The following PDGFD variants were observed in gnomAD, a reference collection of about 807,000 sequenced individuals.
PDGFD encodes the protein platelet-derived growth factor D.
PDGFD carries 30 observed loss-of-function variants against 44.7 expected under a neutral mutation model. The observed-to-expected ratio is 0.67, with a 90% CI of 0.50 to 0.91. The LOEUF (loss-of-function observed/expected upper bound fraction) is 0.91, where lower values mean the gene tolerates loss of function less well. Among genes scored for constraint, PDGFD ranks in the 40% least tolerant of loss-of-function variants. PDGFD has a pLI of 0.00. For missense variants in PDGFD, 445 were observed against 457.8 expected (o/e 0.97, Z 0.25); for synonymous variants, 173 against 168.4 (o/e 1.03, Z -0.21).
chr11:104,153,981 G>A (rs1052748929), intron 1 of PDGFD, among the ~76,000 whole-genome samples: 1 of 152,004 alleles, frequency 6.6e-6, no homozygotes, highest in Non-Finnish European at 1.5e-5. Context: ...GGAGACAGTC[G>A]AGGAAACAAT....
chr11:104,045,424 T>C lies in PDGFD; in HGVS notation c.125-45169A>G, dbSNP rs185224771. ...AAGAAGATTCATACTACAGCTGAAATTGATCAAACTGCTTTAATTTTCAAG... is the reference window on the plus strand; with the variant it reads ...AAGAAGATTCATACTACAGCTGAAACTGATCAAACTGCTTTAATTTTCAAG... On this transcript the variant is annotated intron_variant, in intron 1 of 6. Coordinates refer to ENST00000393158, the MANE Select transcript of PDGFD (RefSeq NM_025208.5). Among the ~76,000 whole-genome samples, 34 of 152,218 alleles carry C rather than the reference T, an allele frequency of 2.2e-4. 2 individuals are homozygous for C. The highest frequency in any genetic ancestry group is 1.8e-3 in the Admixed American group (27 of 15,288).
intron 1 of PDGFD, chr11:104,037,455 G>C (rs1462194817): frequency 6.2e-7 from 1 of 1,614,120 alleles, no homozygotes; most frequent in Admixed American, 1.7e-5. Flanking sequence ...GGGAAGCTCA[G>C]GCCAAAATAG....
At position 104,135,909 on chromosome 11, in the gene PDGFD, C is replaced by T. The variant is rs554925375; in HGVS notation, c.124+27895G>A. Among the ~76,000 whole-genome samples the T allele has an allele frequency of 2.0e-5, 3 of 148,430 alleles. No homozygotes were observed. In the South Asian group the frequency reaches 6.4e-4, roughly 32 times the overall value. On this transcript the variant is annotated intron_variant, in intron 1 of 6. Transcript: ENST00000393158. ...GGAGAGCTAATGATAAAATATATTA[C>T]ACACCAGCTCCAAGAGCTTTGGAAA...
In PDGFD at chr11:103,909,778, T is replaced by G; in HGVS notation, c.1029A>C (p.Arg343Ser). ...TGTCAACTAGAGCCATGGTCTTAGCTCTACCCCTCCTCTTGATGTGGCCAG... is the reference window on the plus strand; with the variant it reads ...TGTCAACTAGAGCCATGGTCTTAGCGCTACCCCTCCTCTTGATGTGGCCAG... Reference protein sequence around the residue: ...FEPGHIKRRGRAKTMALVDIQ... With the variant: ...FEPGHIKRRGSAKTMALVDIQ... Residue 343 changes from arginine to serine, a missense_variant, in exon 7 of 7, where the codon AGA becomes AGC. Coordinates refer to ENST00000393158, the MANE Select transcript of PDGFD (RefSeq NM_025208.5). 2 of 1,614,148 alleles carry G rather than the reference T, an allele frequency of 1.2e-6. No individual in the cohort carries two copies. The highest frequency in any genetic ancestry group is 2.2e-5 in the East Asian group (1 of 44,888).
At chr11:104,115,569 G>C (rs972993740) in intron 1 of PDGFD, among the ~76,000 whole-genome samples, 2 of 151,382 alleles carry the variant, frequency 1.3e-5, no homozygotes, top group African/African-American at 4.9e-5. Context: ...GGGATTGCTG[G>C]ATCAAATGGT....
intron 3 of PDGFD, among the ~76,000 whole-genome samples, chr11:103,950,381 T>G (rs1345109739): frequency 7.9e-6 from 1 of 126,058 alleles, no homozygotes; most frequent in Non-Finnish European, 1.6e-5. Flanking sequence ...AAAACTCATC[T>G]CTACTAATAA....
rs75116260 is a variant in PDGFD at position 104,037,961 on chromosome 11, C to T, written c.125-37706G>A. 4.9e-4 allele frequency: 794 copies of T among 1,613,974 alleles called. 5 individuals are homozygous for T. In the East Asian group the frequency reaches 0.014, roughly 29 times the overall value. ...ATGGTAAGTGGGCAAGATGAGTCTT[C>T]GGACAAGGAAATTACACATTCAGTC... On this transcript the variant is annotated intron_variant, in intron 1 of 6. Coordinates refer to ENST00000393158, the MANE Select transcript of PDGFD (RefSeq NM_025208.5).
At chr11:104,119,953 T>C (rs1861747296) in intron 1 of PDGFD, among the ~76,000 whole-genome samples, 1 of 139,198 alleles carries the variant, frequency 7.2e-6, no homozygotes, top group Non-Finnish European at 1.5e-5. Context: ...ATATATAAGT[T>C]ATTATATATT....
intron 1 of PDGFD, among the ~76,000 whole-genome samples, chr11:104,151,081 C>T (rs1862237981): frequency 6.6e-6 from 1 of 152,110 alleles, no homozygotes; most frequent in African/African-American, 2.4e-5. Context: ...AATGATGTAG[C>T]TGTTGCACAC....
chr11:104,139,451 G>A (rs989519536), intron 1 of PDGFD, among the ~76,000 whole-genome samples: 5 of 152,102 alleles, frequency 3.3e-5, no homozygotes, highest in Admixed American at 1.3e-4. Flanking sequence ...TCTGATAAAC[G>A]GTGAAAGAAC....
intron 2 of PDGFD, among the ~76,000 whole-genome samples, chr11:103,997,826 G>T (rs1859557395): frequency 6.6e-6 from 1 of 152,144 alleles, no homozygotes; most frequent in Non-Finnish European, 1.5e-5. Flanking sequence ...TGAACCTGAA[G>T]TCAAGAGAGG....
At chr11:103,962,609 G>A (rs1402399790) in intron 3 of PDGFD, among the ~76,000 whole-genome samples, 1 of 152,064 alleles carries the variant, frequency 6.6e-6, no homozygotes, top group Non-Finnish European at 1.5e-5. Context: ...TGTTTTGGAT[G>A]GTAGAAAAGA....
intron 3 of PDGFD, among the ~76,000 whole-genome samples, chr11:103,988,771 G>C (rs2134357449): frequency 6.6e-6 from 1 of 152,218 alleles, no homozygotes; most frequent in East Asian, 1.9e-4. Context: ...CATTTGTAAA[G>C]TTACCTAACC....
rs375667698 is a variant in PDGFD at position 104,048,586 on chromosome 11, A to C, written c.125-48331T>G. 1.5e-4 allele frequency among the ~76,000 whole-genome samples: 23 copies of C among 152,272 alleles called. No individual in the cohort carries two copies. In the South Asian group the frequency reaches 3.3e-3, roughly 22 times the overall value. Reference sequence around the variant, plus strand: ...CAGATGGGGTTGTTTTATTTTACAAATATTCTAAGTCACCTCTTTTTCCTG... The same window carrying C: ...CAGATGGGGTTGTTTTATTTTACAACTATTCTAAGTCACCTCTTTTTCCTG... On this transcript the variant is annotated intron_variant, in intron 1 of 6. Coordinates refer to ENST00000393158, the MANE Select transcript of PDGFD (RefSeq NM_025208.5).
intron 3 of PDGFD, among the ~76,000 whole-genome samples, chr11:103,989,190 A>G (rs1859414206): frequency 6.6e-6 from 1 of 152,194 alleles, no homozygotes; most frequent in South Asian, 2.1e-4. Context: ...TTTTAGGAAT[A>G]CAATTTGATT....
At chr11:104,049,776 G>C (rs776820601) in intron 1 of PDGFD, among the ~76,000 whole-genome samples, 3 of 152,112 alleles carry the variant, frequency 2.0e-5, no homozygotes, top group Non-Finnish European at 2.9e-5. Flanking sequence ...AATCTGGCTG[G>C]GAGTTTAGGA....
rs1333417847 is a variant in PDGFD at position 103,946,607 on chromosome 11, G to A, written c.573+1055C>T. 4 of 152,226 alleles carry A rather than the reference G, an allele frequency of 2.6e-5. No individual in the cohort carries two copies. In the East Asian group the frequency reaches 7.7e-4, roughly 29 times the overall value. The allele number at this position is 152,226 out of a possible 1,614,324, so 9.4% of individuals were successfully genotyped here. A position where few individuals can be genotyped will look rare whatever the true frequency, so the allele number is the denominator to read the frequency against. ...GCCTTGAGTTATCAGCCTCTACTGT[G>A]ACCCTCCTGCTTAGCCTGAGCACCT... On this transcript the variant is annotated intron_variant, in intron 4 of 6. Transcript: ENST00000393158.
At chr11:104,038,090 T>C in intron 1 of PDGFD, 2 of 1,402,118 alleles carry the variant, frequency 1.4e-6, no homozygotes, top group Non-Finnish European at 1.9e-6. Flanking sequence ...TTACTGGCAA[T>C]GTAATCATTA....
intron 3 of PDGFD, among the ~76,000 whole-genome samples, chr11:103,995,609 C>A (rs549834353): frequency 1.3e-5 from 2 of 152,304 alleles, no homozygotes; most frequent in African/African-American, 4.8e-5. Context: ...CAGACCCTTC[C>A]CAAATCTGGG....
Sources: gnomAD v4.1 joint callset for allele counts (sites outside exome capture counted in the v4.1 genomes callset) on GRCh38, gnomAD v4.1.1 for gene constraint, MANE v1.5 for transcripts, NCBI Gene and HGNC (gene_info 2026-07-23, HGNC 2026-07-21) for gene names.